CHN2: variants seen among roughly 807,000 people sequenced by gnomAD.
CHN2 encodes beta-chimaerin.
Under a neutral mutation model 56.3 loss-of-function variants are expected in CHN2, and 35 were observed. That is an observed-to-expected ratio of 0.62 (90% CI 0.47 to 0.82). The LOEUF (loss-of-function observed/expected upper bound fraction) is 0.82, where lower values mean the gene tolerates loss of function less well. Ranked by LOEUF, CHN2 falls within the 40% of genes least tolerant of loss-of-function variation. The pLI, the probability that CHN2 is intolerant of heterozygous loss-of-function variation, is 0.00. For missense variants in CHN2, 491 were observed against 580.5 expected (o/e 0.85, Z 1.58); for synonymous variants, 210 against 212.8 (o/e 0.99, Z 0.12).
chr7:29,299,200 G>C (rs10215426), intron 1 of CHN2, among the ~76,000 whole-genome samples: 50,671 of 151,866 alleles, frequency 0.33, 8,705 homozygotes, highest in African/African-American at 0.39. Flanking sequence ...CTCCCACTGC[G>C]TAGACCGGTC....
chr7:29,362,077 G>A (rs531946767), intron 2 of CHN2, among the ~76,000 whole-genome samples: 11 of 152,320 alleles, frequency 7.2e-5, no homozygotes, highest in South Asian at 4.1e-4. Flanking sequence ...GCCCCTGGCC[G>A]GACTGGGAGA....
At chr7:29,403,577 G>A (rs1332537612) in intron 6 of CHN2, among the ~76,000 whole-genome samples, 2 of 152,042 alleles carry the variant, frequency 1.3e-5, no homozygotes, top group African/African-American at 2.4e-5. Flanking sequence ...CATCAGATTT[G>A]AGTGGCTCCC....
intron 6 of CHN2, among the ~76,000 whole-genome samples, chr7:29,436,161 G>T (rs1783210467): frequency 6.6e-6 from 1 of 152,006 alleles, no homozygotes; most frequent in African/African-American, 2.4e-5. Flanking sequence ...CAGCCCTGGG[G>T]ATCTCCTGAA....
chr7:29,402,002 A>C (rs527370396), intron 6 of CHN2, among the ~76,000 whole-genome samples: 1 of 150,530 alleles, frequency 6.6e-6, no homozygotes, highest in African/African-American at 2.5e-5. Context: ...ACAGATAGAA[A>C]TAAGCGGATA....
At chr7:29,280,459 A>T (rs1791612415) in intron 1 of CHN2, among the ~76,000 whole-genome samples, 1 of 152,134 alleles carries the variant, frequency 6.6e-6, no homozygotes, top group Admixed American at 6.5e-5. Context: ...AGGAAAGTTA[A>T]TGGCTTGAGT....
chr7:29,303,468 T>G (rs991782051), intron 1 of CHN2, among the ~76,000 whole-genome samples: 1 of 152,206 alleles, frequency 6.6e-6, no homozygotes, highest in Admixed American at 6.5e-5. Context: ...CACAGGCAAG[T>G]GCCATGCCCC....
intron 1 of CHN2, among the ~76,000 whole-genome samples, chr7:29,224,698 AAGAATTCTCCACCATGT>A (rs761033765): frequency 2.6e-5 from 4 of 152,246 alleles, no homozygotes; most frequent in Non-Finnish European, 4.4e-5. Context: ...GATAAAGTTA[AAGAATTCTCCACCATGT>A]TTTCATTTCT....
At chr7:29,363,354 G>A (rs1258751449) in intron 2 of CHN2, among the ~76,000 whole-genome samples, 2 of 152,200 alleles carry the variant, frequency 1.3e-5, no homozygotes, top group Admixed American at 1.3e-4. Context: ...GCATGGTGAT[G>A]CGTGCCTGTA....
chr7:29,232,916 C>CAT (rs1786836162), intron 1 of CHN2, among the ~76,000 whole-genome samples: 1 of 152,150 alleles, frequency 6.6e-6, no homozygotes, highest in Non-Finnish European at 1.5e-5. Flanking sequence ...CTCATGTGTA[C>CAT]ATATTATGGT....
chr7:29,416,811 G>A (rs963581356), intron 6 of CHN2, among the ~76,000 whole-genome samples: 1 of 152,086 alleles, frequency 6.6e-6, no homozygotes, highest in Admixed American at 6.5e-5. Context: ...TATATTTCCA[G>A]CATTTTTATA....
At chr7:29,331,469 G>A (rs1204466528) in intron 1 of CHN2, among the ~76,000 whole-genome samples, 1 of 152,142 alleles carries the variant, frequency 6.6e-6, no homozygotes, top group African/African-American at 2.4e-5. Context: ...TGCAGCACTG[G>A]AGCAAGGAGA....
At chr7:29,324,561 C>T (rs1795653531) in intron 1 of CHN2, among the ~76,000 whole-genome samples, 1 of 151,178 alleles carries the variant, frequency 6.6e-6, no homozygotes. Flanking sequence ...GCATCTGTAC[C>T]ATATGTACCC....
At chr7:29,281,104 G>A (rs992313258) in intron 1 of CHN2, among the ~76,000 whole-genome samples, 5 of 152,204 alleles carry the variant, frequency 3.3e-5, no homozygotes, top group African/African-American at 1.2e-4. Flanking sequence ...TAGATGTTAT[G>A]AAACTCAAAA....
intron 2 of CHN2, among the ~76,000 whole-genome samples, chr7:29,356,757 T>G (rs1435740747): frequency 6.6e-6 from 1 of 152,222 alleles, no homozygotes; most frequent in African/African-American, 2.4e-5. Context: ...TGCTCTGTAT[T>G]CCGATCTTCT....
chr7:29,434,259 G>C (rs1783061085), intron 6 of CHN2, among the ~76,000 whole-genome samples: 1 of 152,190 alleles, frequency 6.6e-6, no homozygotes, highest in Non-Finnish European at 1.5e-5. Flanking sequence ...GCATCCCAGA[G>C]AGCTAGGAGT....
intron 1 of CHN2, among the ~76,000 whole-genome samples, chr7:29,220,650 C>T (rs528971845): frequency 3.3e-5 from 5 of 152,114 alleles, no homozygotes; most frequent in East Asian, 1.9e-4. Context: ...TAAATTGAAG[C>T]GACAATTAAA....
chr7:29,330,136 G>A (rs911195855), intron 1 of CHN2, among the ~76,000 whole-genome samples: 5 of 152,212 alleles, frequency 3.3e-5, no homozygotes, highest in East Asian at 1.9e-4. Flanking sequence ...ATTTACTGAT[G>A]TAACCCATTT....
chr7:29,327,674 A>G (rs1464963830), intron 1 of CHN2, among the ~76,000 whole-genome samples: 1 of 152,170 alleles, frequency 6.6e-6, no homozygotes, highest in African/African-American at 2.4e-5. Context: ...ATATTGGGAT[A>G]GCCAGAGAAG....
intron 1 of CHN2, among the ~76,000 whole-genome samples, chr7:29,278,411 A>C (rs1202874999): frequency 6.6e-6 from 1 of 151,978 alleles, no homozygotes; most frequent in Non-Finnish European, 1.5e-5. Context: ...AAGATACATA[A>C]ATGAATGAGC....
Sources: gnomAD v4.1 joint callset for allele counts (sites outside exome capture counted in the v4.1 genomes callset) on GRCh38, gnomAD v4.1.1 for gene constraint, MANE v1.5 for transcripts, NCBI Gene and HGNC (gene_info 2026-07-23, HGNC 2026-07-21) for gene names.